The following ARHGEF7 variants were observed in gnomAD, a reference collection of about 807,000 sequenced individuals.
ARHGEF7 encodes the protein PAK-interacting exchange factor beta.
A neutral mutation model predicts 109.8 loss-of-function variants in ARHGEF7; 33 were observed. The ratio of observed to expected loss-of-function variants is 0.30; its 90% CI spans 0.23 to 0.40. The LOEUF (loss-of-function observed/expected upper bound fraction) is 0.40, where lower values mean the gene tolerates loss of function less well. Ranked by LOEUF, ARHGEF7 falls within the 10% of genes least tolerant of loss-of-function variation. ARHGEF7 has a pLI of 1.00. For synonymous variants in ARHGEF7, 458 were observed against 424.6 expected, an observed-to-expected ratio of 1.08 and a Z score of -0.97; for missense variants, 938 against 1,098.5, an observed-to-expected ratio of 0.85 and a Z score of 2.07.
At chr13:111,154,060 C>A in intron 2 of ARHGEF7, 69 bp downstream of exon 2, 1 of 1,444,046 alleles carries the variant, frequency 6.9e-7, no homozygotes, top group Non-Finnish European at 9.2e-7. Flanking sequence ...GTGGGTGCTT[C>A]GCTCCAGCCG....
chr13:111,172,044 T>TA (rs2077647643), intron 2 of ARHGEF7, among the ~76,000 whole-genome samples: 1 of 152,322 alleles, frequency 6.6e-6, no homozygotes, highest in African/African-American at 2.4e-5. Flanking sequence ...GGTATTTTCT[T>TA]ACAGCAGCCT....
chr13:111,135,639 C>A (rs1428140087), intron 1 of ARHGEF7, among the ~76,000 whole-genome samples: 1 of 152,050 alleles, frequency 6.6e-6, no homozygotes, highest in Non-Finnish European at 1.5e-5. Context: ...TTTTGCACAT[C>A]GATTTTGTAT....
intron 5 of ARHGEF7, among the ~76,000 whole-genome samples, chr13:111,220,403 C>G (rs1004453422): frequency 3.3e-5 from 5 of 152,186 alleles, no homozygotes; most frequent in African/African-American, 1.2e-4. Flanking sequence ...TGGACTGACT[C>G]TGAACCACCA....
intron 19 of ARHGEF7, chr13:111,294,874 G>C: frequency 1.0e-6 from 1 of 985,830 alleles, no homozygotes; most frequent in Non-Finnish European, 1.2e-6. Context: ...TGTTCCCTTT[G>C]AAATAACGCT....
At chr13:111,267,520 T>TA (rs1567015936) in intron 8 of ARHGEF7, 28 bp from the exon 9 acceptor site, 1 of 1,612,812 alleles carries the variant, frequency 6.2e-7, no homozygotes, top group Non-Finnish European at 8.5e-7. Flanking sequence ...AACTGATGAC[T>TA]ATTTCCCTTT....
intron 8 of ARHGEF7, among the ~76,000 whole-genome samples, chr13:111,251,711 C>G (rs928496300): frequency 6.6e-6 from 1 of 152,074 alleles, no homozygotes; most frequent in Non-Finnish European, 1.5e-5. Flanking sequence ...TTCTGGGATC[C>G]ACGGCTGGTT....
chr13:111,207,286 G>T (rs1448148507), intron 3 of ARHGEF7, among the ~76,000 whole-genome samples: 1 of 152,126 alleles, frequency 6.6e-6, no homozygotes, highest in East Asian at 1.9e-4. Context: ...CTCCCACCTC[G>T]GCCTCCTCAG....
At chr13:111,126,636 T>A (rs1201104768) in intron 1 of ARHGEF7, among the ~76,000 whole-genome samples, 2 of 152,230 alleles carry the variant, frequency 1.3e-5, no homozygotes, top group Non-Finnish European at 2.9e-5. Flanking sequence ...ACTTTATCAA[T>A]TGATGACAAA....
chr13:111,165,251 A>T (rs1189545188), intron 2 of ARHGEF7, among the ~76,000 whole-genome samples: 1 of 152,234 alleles, frequency 6.6e-6, no homozygotes, highest in South Asian at 2.1e-4. Context: ...CCAGTTTAAT[A>T]ATAGGACTTA....
chr13:111,247,463 G>C (rs1217402753), intron 8 of ARHGEF7, among the ~76,000 whole-genome samples: 2 of 151,938 alleles, frequency 1.3e-5, no homozygotes, highest in Admixed American at 1.3e-4. Context: ...TAGAGACGGG[G>C]TTTCACCATG....
chr13:111,114,945 A>C (rs1452194809), upstream of ARHGEF7: 1 of 152,202 alleles, frequency 6.6e-6, no homozygotes, highest in Non-Finnish European at 1.5e-5. Context: ...CAAAAATAAA[A>C]AGAGCATTCT....
In ARHGEF7 at chr13:111,243,986, G is replaced by T. The variant is rs1418275378; in HGVS notation, c.854+20G>T. The stretch of plus-strand genomic sequence containing the variant: ...TGAGAAGTAAGTTAGATGATAAATT[G>T]CATTAACTGTAAAATAGTCTAAACC... On this transcript the variant is annotated intron_variant, in intron 7 of 21. Coordinates refer to ENST00000646102, the MANE Select transcript of ARHGEF7 (RefSeq NM_001354046.2). The T allele has an allele frequency of 1.3e-6, 2 of 1,566,346 alleles. No individual in the cohort carries two copies. The highest frequency in any genetic ancestry group is 1.4e-5 in the African/African-American group (1 of 73,902).
In ARHGEF7 at chr13:111,174,976, C is replaced by A. The variant is rs151225580; in HGVS notation, c.252+20985C>A. ...GTGTCTCGGGATCTTGCTGTCTCCT[C>A]CTCAACCGTCCTCCTGTGTTGGGAG... On this transcript the variant is annotated intron_variant, in intron 2 of 21. Coordinates refer to ENST00000646102, the MANE Select transcript of ARHGEF7 (RefSeq NM_001354046.2). Among the ~76,000 whole-genome samples, 233 of 152,290 alleles carry A rather than the reference C, an allele frequency of 1.5e-3. 2 individuals carry two copies. The highest frequency in any genetic ancestry group is 2.3e-3 in the South Asian group (11 of 4,828).
chr13:111,214,981 A>G (rs2082939507), intron 4 of ARHGEF7, among the ~76,000 whole-genome samples: 1 of 151,936 alleles, frequency 6.6e-6, no homozygotes, highest in African/African-American at 2.4e-5. Flanking sequence ...AGTGATTTAT[A>G]CATTCACTTA....
chr13:111,199,547 G>A (rs2080968630), intron 2 of ARHGEF7, among the ~76,000 whole-genome samples: 1 of 152,134 alleles, frequency 6.6e-6, no homozygotes, highest in East Asian at 1.9e-4. Context: ...GATGCTTGCT[G>A]GTGACCAGCC....
rs937804169 is a variant in ARHGEF7 at position 111,285,546 on chromosome 13, C to T, written c.1951-601C>T. On this transcript the variant is annotated intron_variant, in intron 16 of 21. Transcript: ENST00000646102. ...TGAAGAGGTAAGGGGTGGGCCATTC[C>T]GTTGTGAACACTCTGAGCTGGTGTG... Among the ~76,000 whole-genome samples the T allele has an allele frequency of 3.3e-5, 5 of 152,288 alleles. No individual in the cohort carries two copies. The East Asian group carries it at 7.7e-4, about 24-fold the overall frequency.
chr13:111,143,083 C>T (rs954619180), intron 1 of ARHGEF7, among the ~76,000 whole-genome samples: 6 of 152,220 alleles, frequency 3.9e-5, no homozygotes, highest in Admixed American at 6.5e-5. Context: ...AAGGCAGGGC[C>T]GCCATAAAAA....
At chr13:111,299,069 C>G (rs1201557847) in intron 19 of ARHGEF7, among the ~76,000 whole-genome samples, 2 of 152,150 alleles carry the variant, frequency 1.3e-5, no homozygotes, top group African/African-American at 4.8e-5. Context: ...GATGAAGGAG[C>G]AGTGTCTTGA....
intron 9 of ARHGEF7, among the ~76,000 whole-genome samples, chr13:111,268,609 C>T (rs558239549): frequency 1.2e-4 from 18 of 152,272 alleles, no homozygotes; most frequent in African/African-American, 4.3e-4. Context: ...TGTGGCGCTG[C>T]GTGGGTGTCC....
Sources: gnomAD v4.1 joint callset for allele counts (sites outside exome capture counted in the v4.1 genomes callset) on GRCh38, gnomAD v4.1.1 for gene constraint, MANE v1.5 for transcripts, NCBI Gene and HGNC (gene_info 2026-07-23, HGNC 2026-07-21) for gene names.